CSTPP1: variants seen among roughly 807,000 people sequenced by gnomAD.
CSTPP1 encodes UPF0705 protein C11orf49.
the CSTPP1 span, among the ~76,000 whole-genome samples, chr11:47,141,070 C>G: frequency 6.6e-6 from 1 of 152,168 alleles, no homozygotes; most frequent in Non-Finnish European, 1.5e-5. Flanking sequence ...GTTTATTCAT[C>G]AAATGTTTCT....
chr11:47,137,878 C>T, the CSTPP1 span: 1 of 704,260 alleles, frequency 1.4e-6, no homozygotes, highest in Non-Finnish European at 2.4e-6. Flanking sequence ...TGCCCCAAAA[C>T]ATAATACATT....
chr11:47,074,711 T>C, the CSTPP1 span, among the ~76,000 whole-genome samples: 1 of 152,244 alleles, frequency 6.6e-6, no homozygotes, highest in Non-Finnish European at 1.5e-5. Flanking sequence ...AATTACAATG[T>C]ATACAAGTCT....
At chr11:47,009,918 CTATT>C in the CSTPP1 span, among the ~76,000 whole-genome samples, 3 of 152,102 alleles carry the variant, frequency 2.0e-5, no homozygotes, top group Non-Finnish European at 4.4e-5. Flanking sequence ...AATTCAGTAA[CTATT>C]TATTAAATAG....
the CSTPP1 span, chr11:47,137,761 GCT>G: frequency 6.3e-7 from 1 of 1,597,440 alleles, no homozygotes; most frequent in Non-Finnish European, 8.6e-7. Flanking sequence ...AACCAACTCA[GCT>G]CTCTGTGGGC....
At chr11:47,095,310 C>G in the CSTPP1 span, among the ~76,000 whole-genome samples, 3 of 152,180 alleles carry the variant, frequency 2.0e-5, no homozygotes, top group Non-Finnish European at 4.4e-5. Flanking sequence ...GAACTTTGTT[C>G]TCTTGTCCAA....
the CSTPP1 span, among the ~76,000 whole-genome samples, chr11:46,945,306 A>C: frequency 2.0e-5 from 3 of 152,168 alleles, no homozygotes; most frequent in Non-Finnish European, 4.4e-5. Flanking sequence ...TATAATACAT[A>C]AAACTGGTCA....
At chr11:46,936,891 A>T in the CSTPP1 span, 2 of 1,485,106 alleles carry the variant, frequency 1.3e-6, no homozygotes, top group Non-Finnish European at 1.8e-6. Flanking sequence ...AAAGACGTGC[A>T]GACGAATTAG....
the CSTPP1 span, among the ~76,000 whole-genome samples, chr11:47,109,996 T>C: frequency 1.3e-5 from 2 of 152,174 alleles, no homozygotes; most frequent in Non-Finnish European, 2.9e-5. Context: ...CTGATTCTCA[T>C]CTGGTGAGTT....
the CSTPP1 span, among the ~76,000 whole-genome samples, chr11:46,999,078 A>G: frequency 1.3e-5 from 2 of 152,086 alleles, no homozygotes; most frequent in Non-Finnish European, 2.9e-5. Flanking sequence ...AGAGAAACAT[A>G]GTGAAGTGGA....
At chr11:47,043,349 C>G in the CSTPP1 span, among the ~76,000 whole-genome samples, 1 of 152,056 alleles carries the variant, frequency 6.6e-6, no homozygotes, top group African/African-American at 2.4e-5. Flanking sequence ...TTGAGACCAG[C>G]CTGGGCAACA....
At chr11:47,050,936 G>T in the CSTPP1 span, among the ~76,000 whole-genome samples, 1 of 152,104 alleles carries the variant, frequency 6.6e-6, no homozygotes, top group East Asian at 1.9e-4. Flanking sequence ...TATATAATTT[G>T]CTTTTTCATA....
the CSTPP1 span, among the ~76,000 whole-genome samples, chr11:47,105,042 G>T: frequency 3.9e-5 from 6 of 152,264 alleles, no homozygotes; most frequent in African/African-American, 1.4e-4. Context: ...CCTTCCATCA[G>T]TTACCCCAGA....
chr11:46,964,289 CTTTTTT>C, the CSTPP1 span, among the ~76,000 whole-genome samples: 186 of 141,912 alleles, frequency 1.3e-3, no homozygotes, highest in Non-Finnish European at 2.3e-3. Flanking sequence ...CTCTCTCTCT[CTTTTTT>C]TTTTTTTTGA....
the CSTPP1 span, among the ~76,000 whole-genome samples, chr11:47,037,737 A>G: frequency 2.3e-4 from 29 of 126,690 alleles, 5 homozygotes; most frequent in East Asian, 3.2e-3. Context: ...CCAAGGCAGA[A>G]GAATTTTTCT....
the CSTPP1 span, among the ~76,000 whole-genome samples, chr11:47,162,739 G>A: frequency 1.3e-5 from 2 of 152,184 alleles, no homozygotes; most frequent in Admixed American, 1.3e-4. Flanking sequence ...AGAAGCCCAA[G>A]CAGAACAGGA....
chr11:47,049,130 C>T, the CSTPP1 span, among the ~76,000 whole-genome samples: 1 of 151,952 alleles, frequency 6.6e-6, no homozygotes, highest in Non-Finnish European at 1.5e-5. Context: ...GGACCAAAGG[C>T]ATGCACCACC....
chr11:46,991,232 G>T, the CSTPP1 span, among the ~76,000 whole-genome samples: 1 of 148,798 alleles, frequency 6.7e-6, no homozygotes, highest in Admixed American at 6.7e-5. Flanking sequence ...TTCTCCAGAG[G>T]CTCCTTGGAG....
the CSTPP1 span, among the ~76,000 whole-genome samples, chr11:46,966,263 G>A: frequency 3.3e-5 from 5 of 152,032 alleles, no homozygotes; most frequent in East Asian, 1.9e-4. Flanking sequence ...GGATGGTCTC[G>A]ATCTCTTGAC....
At chr11:47,074,064 C>T in the CSTPP1 span, among the ~76,000 whole-genome samples, 36 of 152,132 alleles carry the variant, frequency 2.4e-4, no homozygotes, top group Non-Finnish European at 4.3e-4. Context: ...ATTAGCCGAA[C>T]GTGGTGGTGC....
Sources: allele counts gnomAD v4.1 joint callset (sites outside exome capture counted in the v4.1 genomes callset), GRCh38; gene constraint gnomAD v4.1.1; transcripts MANE v1.5; gene names NCBI Gene and HGNC (gene_info 2026-07-23, HGNC 2026-07-21).